Variants in TNPO2 observed in about 807,000 individuals in gnomAD.
TNPO2 encodes transportin 2.
TNPO2 carries 16 observed loss-of-function variants against 111.1 expected under a neutral mutation model. The observed-to-expected ratio is 0.14, with a 90% CI of 0.10 to 0.22. The LOEUF is 0.22. Ranked by LOEUF, TNPO2 falls within the 10% of genes least tolerant of loss-of-function variation. The pLI, the probability that TNPO2 is intolerant of heterozygous loss-of-function variation, is 1.00. For synonymous variants in TNPO2, 481 were observed against 475.8 expected, an observed-to-expected ratio of 1.01 and a Z score of -0.14; for missense variants, 530 against 1,173.7, an observed-to-expected ratio of 0.45 and a Z score of 8.01.
rs56839683 is a variant in TNPO2 at position 12,705,215 on chromosome 19, A to G, written c.2022+25T>C. The G allele has an allele frequency of 4.0e-3, 6,347 of 1,590,022 alleles. 214 individuals carry two copies. The African/African-American group carries it at 0.073, about 18-fold the overall frequency. On this transcript the variant is annotated intron_variant, in intron 18 of 25. Transcript: ENST00000425528. The surrounding 1 kb of genome is among the most constrained non-coding windows in gnomAD (Gnocchi z 7.2). ...CAGCCCACGCAGGCTGCTGGGTGTC[A>G]TCACTGTCCAGGGTCCCCACCCACC...
At position 12,721,360 on chromosome 19, in the gene TNPO2, G is replaced by A. The variant is rs1040382563; in HGVS notation, c.-13-370C>T. 24 of 1,222,238 alleles carry A rather than the reference G, an allele frequency of 2.0e-5. No homozygotes were observed. The African/African-American group carries it at 3.5e-4, about 18-fold the overall frequency. 75.7% of individuals were successfully genotyped at this position (1,222,238 alleles called of 1,614,324 possible). ...GCAGCGGCTGGGCGAGGGCCCAGCC[G>A]CCTCCACATCCAGGGGCCCCGCCCC... On this transcript the variant is annotated intron_variant, in intron 2 of 25. Coordinates refer to ENST00000425528, the MANE Select transcript of TNPO2 (RefSeq NM_001382241.1). The surrounding 1 kb of genome is among the most constrained non-coding windows in gnomAD (Gnocchi z 4.9).
intron 13 of TNPO2, among the ~76,000 whole-genome samples, chr19:12,708,679 C>A (rs1056675074): frequency 6.6e-6 from 1 of 151,462 alleles, no homozygotes; most frequent in Non-Finnish European, 1.5e-5. Flanking sequence ...CCAGCTTGAC[C>A]AACACAGTGA....
chr19:12,717,264 CTCTCTT>C (rs1342806355), intron 5 of TNPO2, among the ~76,000 whole-genome samples: 1 of 142,626 alleles, frequency 7.0e-6, no homozygotes, highest in Non-Finnish European at 1.5e-5. Context: ...GTTTCTTTTT[CTCTCTT>C]TTTTTTTTTT....
At chr19:12,713,318 G>A (rs1266599686) in intron 10 of TNPO2, among the ~76,000 whole-genome samples, 1 of 151,966 alleles carries the variant, frequency 6.6e-6, no homozygotes, top group Non-Finnish European at 1.5e-5. Context: ...CACTCCCCAG[G>A]AGCCGTCTGC....
At chr19:12,720,797 A>C in intron 3 of TNPO2, 82 bp downstream of exon 3, 1 of 1,482,058 alleles carries the variant, frequency 6.7e-7, no homozygotes, top group Non-Finnish European at 9.0e-7. Flanking sequence ...TAGGGGAGTC[A>C]GTCCCTCTCT....
chr19:12,720,835 C>T (rs773995153), intron 3 of TNPO2, 44 bp downstream of exon 3: 10 of 1,543,434 alleles, frequency 6.5e-6, no homozygotes, highest in Admixed American at 2.0e-5. Flanking sequence ...GGAAACTGCA[C>T]GCATCTACCC....
chr19:12,709,978 AT>A (rs537218567), intron 13 of TNPO2, among the ~76,000 whole-genome samples: 4 of 152,086 alleles, frequency 2.6e-5, no homozygotes, highest in Non-Finnish European at 4.4e-5. Flanking sequence ...CATGCCTGAA[AT>A]TTTTGGCACA....
chr19:12,711,190 G>A (rs1281964082), intron 12 of TNPO2, 106 bp downstream of exon 12: 8 of 1,472,210 alleles, frequency 5.4e-6, no homozygotes, highest in Admixed American at 3.9e-5. Flanking sequence ...CACTGCGCCC[G>A]GCCACGATCA....
In TNPO2 at chr19:12,702,119, C is replaced by A; in HGVS notation, c.2364G>T (p.Val788=). 6.2e-7 allele frequency: 1 copy of A among 1,613,582 alleles called. No homozygotes were observed. Among genetic ancestry groups the A allele is most frequent in the Non-Finnish European group, 8.5e-7 (1 of 1,179,832 alleles). ...GCATGGGTGCCACCTCCTGGGGGCA[C>A]ACGTAGCCCAAGCGGCCGATGGTGA... is the stretch of plus-strand genomic sequence containing the variant. ...PAITIGRLGY[V]CPQEVAPMLQ... is the part of the protein sequence containing the mutation. Residue 788 remains valine, a synonymous_variant, in exon 22 of 26, where the codon GTG becomes GTT. Transcript: ENST00000425528. The surrounding 1 kb of genome is among the most constrained non-coding windows in gnomAD (Gnocchi z 5.5).
rs1382962217 is a variant in TNPO2, at chr19:12,719,414, T to G, written c.100-78A>C. ...CCCTCATTATGTACCTGACACTATCTCTGACCACTGGGACCAGGCTGCCAG... is the reference window on the plus strand; with the variant it reads ...CCCTCATTATGTACCTGACACTATCGCTGACCACTGGGACCAGGCTGCCAG... On this transcript the variant is annotated intron_variant, in intron 3 of 25. Transcript: ENST00000425528. This position sits in a 1 kb window ranked among gnomAD's most constrained non-coding sequence, Gnocchi z 5.0. The G allele has an allele frequency of 2.6e-5, 33 of 1,279,518 alleles. No individual in the cohort carries two copies. The highest frequency in any genetic ancestry group is 3.7e-5 in the Non-Finnish European group (33 of 889,318). The allele number at this position is 1,279,518 out of a possible 1,614,324, so 79.3% of individuals were successfully genotyped here.
In TNPO2 at chr19:12,702,379, TCC is replaced by T; in HGVS notation, c.2306-204_2306-203del. The stretch of plus-strand genomic sequence containing the variant: ...TATCTTTCTTTCTTTCCTTTCCCTT[TCC>T]TTTTTGTTTTTTTTTGTTTTGTTTT... On this transcript the variant is annotated intron_variant, in intron 21 of 25. Transcript: ENST00000425528. This position sits in a 1 kb window ranked among gnomAD's most constrained non-coding sequence, Gnocchi z 5.5. The T allele has an allele frequency of 1.4e-6, 1 of 690,150 alleles. No individual in the cohort carries two copies. The highest frequency in any genetic ancestry group is 1.8e-5 in the African/African-American group (1 of 56,368). The allele number at this position is 690,150 out of a possible 1,614,324, so 42.8% of individuals were successfully genotyped here. A position where few individuals can be genotyped will look rare whatever the true frequency, so the allele number is the denominator to read the frequency against.
rs1369287921 is a variant in TNPO2, at chr19:12,702,991, C to A, written c.2210-73G>T. On this transcript the variant is annotated intron_variant, in intron 20 of 25. Coordinates refer to ENST00000425528, the MANE Select transcript of TNPO2 (RefSeq NM_001382241.1). This position sits in a 1 kb window ranked among gnomAD's most constrained non-coding sequence, Gnocchi z 5.5. ...GGGGCCAGGGGGCCGCCCCACCTCA[C>A]TCACTACTCGCCCCAGTTCCAACTA... is the stretch of plus-strand genomic sequence containing the variant. The A allele has an allele frequency of 7.4e-7, 1 of 1,357,740 alleles. No homozygotes were observed. The highest frequency in any genetic ancestry group is 1.0e-6 in the Non-Finnish European group (1 of 958,462). The allele number at this position is 1,357,740 out of a possible 1,614,324, so 84.1% of individuals were successfully genotyped here. A position where few individuals can be genotyped will look rare whatever the true frequency, so the allele number is the denominator to read the frequency against.
rs1291299846 is a variant in TNPO2, at chr19:12,715,405, C to T, written c.566G>A (p.Arg189Gln). The change falls in exon 7 of 26, where the codon CGG becomes CAG. Residue 189 changes from arginine to glutamine, a missense_variant and splice_region_variant. Arg to Gln is a conservative substitution (Grantham distance 43, BLOSUM62 1). Transcript: ENST00000425528. This position sits in a 1 kb window ranked among gnomAD's most constrained non-coding sequence, Gnocchi z 7.1. Reference sequence around the variant, plus strand: ...GAAGCCCCCAGGGAGCTGCACCCACCGGATCTTGGGACTGCAGTGCTTGAA... The same window carrying T: ...GAAGCCCCCAGGGAGCTGCACCCACTGGATCTTGGGACTGCAGTGCTTGAA... ...QFFKHCSPKI[R>Q]SHAIACVNQF... The T allele has an allele frequency of 6.2e-7, 1 of 1,613,902 alleles. No individual in the cohort carries two copies. Among genetic ancestry groups the T allele is most frequent in the Non-Finnish European group, 8.5e-7 (1 of 1,179,856 alleles).
Position 12,705,936 on chromosome 19 carries a change from A to G in TNPO2, c.1669-168T>C. 3 of 687,270 alleles carry G rather than the reference A, an allele frequency of 4.4e-6. No individual in the cohort carries two copies. The highest frequency in any genetic ancestry group is 4.8e-6 in the Non-Finnish European group (2 of 418,084). 42.6% of individuals were successfully genotyped at this position (687,270 alleles called of 1,614,324 possible). On this transcript the variant is annotated intron_variant, in intron 15 of 25. Coordinates refer to ENST00000425528, the MANE Select transcript of TNPO2 (RefSeq NM_001382241.1). The surrounding 1 kb of genome is among the most constrained non-coding windows in gnomAD (Gnocchi z 7.2). ...AGGCCTTCATTCTTCTCACCTGTCC[A>G]AGCACCGCCCGCCCCACCCCACCCC... is the stretch of plus-strand genomic sequence containing the variant.
In TNPO2 at chr19:12,711,360, C is replaced by T; in HGVS notation, c.1053G>A (p.Arg351=). Residue 351 remains arginine (R), a synonymous_variant, in exon 12 of 26, where the codon CGG becomes CGA. Coordinates refer to ENST00000425528, the MANE Select transcript of TNPO2 (RefSeq NM_001382241.1). ...CCTCCGCGTCCTCGGAGCCATCAGG[C>T]CGCTCAGCCTCGTGGGGCAGTGTGA... ...RTVTLPHEAE[R]PDGSEDAEDD... is the part of the protein sequence containing the mutation. 1 of 1,614,030 alleles carries T rather than the reference C, an allele frequency of 6.2e-7. No individual in the cohort carries two copies. The highest frequency in any genetic ancestry group is 8.5e-7 in the Non-Finnish European group (1 of 1,179,902).
rs762744709 is a variant in TNPO2, at chr19:12,701,620, T to C, written c.2564A>G (p.Asp855Gly). The change falls in exon 24 of 26, where the codon GAC becomes GGC. Residue 855 changes from aspartate to glycine, a missense_variant. Coordinates refer to ENST00000425528, the MANE Select transcript of TNPO2 (RefSeq NM_001382241.1). The surrounding 1 kb of genome is among the most constrained non-coding windows in gnomAD (Gnocchi z 5.0). ...CACCTTATAAAACATGTCCCGAAGG[T>C]CATCCTTCGGGCTCACCCAGGAGGC... ...AVASWVSPKDDLRDMFYKILH... is the reference protein window; with the variant it reads ...AVASWVSPKDGLRDMFYKILH... 6.2e-7 allele frequency: 1 copy of C among 1,613,362 alleles called. No homozygotes were observed. Among genetic ancestry groups the C allele is most frequent in the South Asian group, 1.1e-5 (1 of 91,060 alleles).
intron 5 of TNPO2, among the ~76,000 whole-genome samples, chr19:12,716,544 T>C (rs935565789): frequency 1.3e-5 from 2 of 152,038 alleles, no homozygotes; most frequent in Non-Finnish European, 2.9e-5. Flanking sequence ...GAGAATCACT[T>C]GAACCTGGGA....
chr19:12,703,830 T>C (rs751121453), intron 18 of TNPO2, 29 bp from the exon 19 acceptor site: 1 of 1,545,168 alleles, frequency 6.5e-7, no homozygotes, highest in East Asian at 2.4e-5. Context: ...TCAGTGTGGC[T>C]AGGCTCCCCT....
chr19:12,720,784 G>C (rs1391899744), intron 3 of TNPO2, 95 bp downstream of exon 3: 2 of 1,448,238 alleles, frequency 1.4e-6, no homozygotes, highest in Non-Finnish European at 1.8e-6. Context: ...AAAATCTGGG[G>C]ACTAGGGGAG....
Sources: gnomAD v4.1 joint callset for allele counts (sites outside exome capture counted in the v4.1 genomes callset) on GRCh38, gnomAD v4.1.1 for gene constraint, Gnocchi (gnomAD v3.1) non-coding constraint, MANE v1.5 for transcripts, NCBI Gene and HGNC (gene_info 2026-07-23, HGNC 2026-07-21) for gene names.